The following CDH8 variants were observed in gnomAD, a reference collection of about 807,000 sequenced individuals.
CDH8 encodes the protein cadherin 8.
Under a neutral mutation model 68.1 loss-of-function variants are expected in CDH8, and 17 were observed. The ratio of observed to expected loss-of-function variants is 0.25; its 90% CI spans 0.17 to 0.37. The LOEUF (loss-of-function observed/expected upper bound fraction) is 0.37, where lower values mean the gene tolerates loss of function less well. Ranked by LOEUF, CDH8 falls within the 10% of genes least tolerant of loss-of-function variation. CDH8 has a pLI of 1.00. For synonymous variants in CDH8, 372 were observed against 365.1 expected (o/e 1.02, Z -0.21); for missense variants, 763 against 999.3 (o/e 0.76, Z 3.19).
At chr16:61,803,519 G>C (rs1421727838) in intron 7 of CDH8, among the ~76,000 whole-genome samples, 1 of 151,804 alleles carries the variant, frequency 6.6e-6, no homozygotes, top group Non-Finnish European at 1.5e-5. Context: ...GACACAGACT[G>C]GCAAATTGGA....
chr16:61,783,946 T>G (rs1017530974), intron 8 of CDH8, among the ~76,000 whole-genome samples: 1 of 152,054 alleles, frequency 6.6e-6, no homozygotes, highest in Non-Finnish European at 1.5e-5. Flanking sequence ...GCGCTAAACA[T>G]GGAAAGGAAC....
intron 10 of CDH8, among the ~76,000 whole-genome samples, chr16:61,672,130 C>G (rs1361204096): frequency 8.6e-5 from 13 of 152,020 alleles, no homozygotes; most frequent in African/African-American, 3.1e-4. Flanking sequence ...AGCTTGCCAT[C>G]CCTAGTTGAT....
chr16:61,893,570 C>T (rs936460458), intron 3 of CDH8, among the ~76,000 whole-genome samples: 3 of 151,956 alleles, frequency 2.0e-5, no homozygotes, highest in African/African-American at 4.8e-5. Flanking sequence ...CTCCTTTAAA[C>T]GGAACCAGAT....
intron 8 of CDH8, among the ~76,000 whole-genome samples, chr16:61,742,031 A>G (rs1423810948): frequency 6.6e-6 from 1 of 152,008 alleles, no homozygotes; most frequent in African/African-American, 2.4e-5. Context: ...TGTGTGTTTA[A>G]TCTGTATCTT....
intron 8 of CDH8, among the ~76,000 whole-genome samples, chr16:61,746,588 C>T (rs1001705966): frequency 6.7e-6 from 1 of 148,800 alleles, no homozygotes; most frequent in Non-Finnish European, 1.5e-5. Flanking sequence ...CACACACACA[C>T]ACACACATTA....
At chr16:61,993,726 T>G (rs958314940) in intron 2 of CDH8, among the ~76,000 whole-genome samples, 3 of 152,198 alleles carry the variant, frequency 2.0e-5, no homozygotes, top group African/African-American at 7.2e-5. Context: ...GTGTTCATGC[T>G]TGTTCATTTG....
chr16:61,960,679 G>A (rs1965138646), intron 2 of CDH8, among the ~76,000 whole-genome samples: 2 of 151,944 alleles, frequency 1.3e-5, no homozygotes, highest in African/African-American at 4.8e-5. Context: ...TTTTCATTCA[G>A]TTTGCTTACC....
intron 2 of CDH8, among the ~76,000 whole-genome samples, chr16:61,910,556 C>T (rs1439574430): frequency 6.6e-6 from 1 of 152,060 alleles, no homozygotes; most frequent in East Asian, 1.9e-4. Flanking sequence ...GAGAAATTTA[C>T]TTAACCTCTC....
chr16:61,911,237 G>A (rs1179942376), intron 2 of CDH8, among the ~76,000 whole-genome samples: 1 of 152,022 alleles, frequency 6.6e-6, no homozygotes, highest in Non-Finnish European at 1.5e-5. Context: ...GAGAACTAAG[G>A]GGAAGAATAT....
intron 2 of CDH8, among the ~76,000 whole-genome samples, chr16:61,942,423 A>C (rs1964738907): frequency 6.6e-6 from 1 of 152,166 alleles, no homozygotes; most frequent in South Asian, 2.1e-4. Flanking sequence ...CTTGAGCCTA[A>C]GAGTTGCAGG....
intron 2 of CDH8, among the ~76,000 whole-genome samples, chr16:62,000,457 A>C (rs1301694090): frequency 6.6e-6 from 1 of 152,178 alleles, no homozygotes; most frequent in Admixed American, 6.5e-5. Flanking sequence ...ATGGCTTAAG[A>C]CAGCTCATGC....
intron 2 of CDH8, among the ~76,000 whole-genome samples, chr16:61,908,611 C>A (rs1409237489): frequency 6.6e-6 from 1 of 152,150 alleles, no homozygotes; most frequent in African/African-American, 2.4e-5. Context: ...TCAGGGAGAA[C>A]TGAACACCCA....
In CDH8 at chr16:61,800,893, T is replaced by C. The variant is rs183936454; in HGVS notation, c.1278-11411A>G. On this transcript the variant is annotated intron_variant, in intron 7 of 11. Transcript: ENST00000577390. Reference sequence around the variant, plus strand: ...GTAGAAATATAAGGAAAAATAAAGGTTTAGTTAAAATGACTCCCATAAATA... The same window carrying C: ...GTAGAAATATAAGGAAAAATAAAGGCTTAGTTAAAATGACTCCCATAAATA... 9.9e-5 allele frequency among the ~76,000 whole-genome samples: 15 copies of C among 152,208 alleles called. No individual in the cohort carries two copies. The East Asian group carries it at 2.7e-3, about 27-fold the overall frequency.
At chr16:61,948,528 A>G (rs1340131974) in intron 2 of CDH8, among the ~76,000 whole-genome samples, 2 of 152,184 alleles carry the variant, frequency 1.3e-5, no homozygotes, top group East Asian at 1.9e-4. Flanking sequence ...CCCTACTCAA[A>G]GGTTAACTGT....
intron 3 of CDH8, among the ~76,000 whole-genome samples, chr16:61,872,924 T>C (rs1222508254): frequency 6.6e-6 from 1 of 152,188 alleles, no homozygotes; most frequent in Admixed American, 6.5e-5. Flanking sequence ...TACAAAGAAG[T>C]GTTAAGAAGT....
chr16:61,779,832 G>A (rs1346017998), intron 8 of CDH8, among the ~76,000 whole-genome samples: 2 of 152,042 alleles, frequency 1.3e-5, no homozygotes, highest in East Asian at 3.9e-4. Context: ...CTTCTCCTTT[G>A]CACAGAAAAA....
At chr16:61,848,144 G>A (rs1375312855) in intron 4 of CDH8, among the ~76,000 whole-genome samples, 2 of 151,998 alleles carry the variant, frequency 1.3e-5, no homozygotes, top group African/African-American at 2.4e-5. Flanking sequence ...AATTCTGAAG[G>A]GACATGATAC....
intron 2 of CDH8, among the ~76,000 whole-genome samples, chr16:61,918,908 A>G (rs975656393): frequency 4.1e-4 from 61 of 150,028 alleles, no homozygotes; most frequent in African/African-American, 1.3e-3. Context: ...GTAGACTTAA[A>G]TGTCCCTGTC....
intron 2 of CDH8, among the ~76,000 whole-genome samples, chr16:61,996,229 A>C (rs1389736242): frequency 6.6e-6 from 1 of 152,232 alleles, no homozygotes; most frequent in Non-Finnish European, 1.5e-5. Context: ...TAAAAATAAC[A>C]GCATCAAGGC....
Sources: gnomAD v4.1 joint callset for allele counts (sites outside exome capture counted in the v4.1 genomes callset) on GRCh38, gnomAD v4.1.1 for gene constraint, MANE v1.5 for transcripts, NCBI Gene and HGNC (gene_info 2026-07-23, HGNC 2026-07-21) for gene names.